BAZ1A: variants seen among roughly 807,000 people sequenced by gnomAD.
BAZ1A encodes the protein bromodomain adjacent to zinc finger domain protein 1A.
Under a neutral mutation model 185.2 loss-of-function variants are expected in BAZ1A, and 50 were observed. The observed-to-expected ratio is 0.27, with a 90% CI of 0.22 to 0.34. The LOEUF (loss-of-function observed/expected upper bound fraction) is 0.34, where lower values mean the gene tolerates loss of function less well. Among genes scored for constraint, BAZ1A ranks in the 10% least tolerant of loss-of-function variants. The probability of loss-of-function intolerance (pLI) is 1.00; values close to 1 mark genes in which losing one functional copy is unlikely to be tolerated. For missense variants in BAZ1A, 1,356 were observed against 1,839.9 expected (o/e 0.74, Z 4.81); for synonymous variants, 571 against 615.6 (o/e 0.93, Z 1.07).
At chr14:34,834,188 G>A (rs923159207) in intron 3 of BAZ1A, among the ~76,000 whole-genome samples, 31 of 152,130 alleles carry the variant, frequency 2.0e-4, no homozygotes, top group Admixed American at 6.5e-5. Flanking sequence ...ATCTATCAGG[G>A]CTCATAATAT....
chr14:34,838,536 T>C lies in BAZ1A; in HGVS notation c.393-12380A>G, dbSNP rs896689132. The stretch of plus-strand genomic sequence containing the variant: ...GGGAAACTATTTTTTTCTTTTTTTT[T>C]TTGGAGACAGAGTCTCCCTCTGTTA... On this transcript the variant is annotated intron_variant, in intron 3 of 26. Coordinates refer to ENST00000360310, the MANE Select transcript of BAZ1A (RefSeq NM_013448.3). Among the ~76,000 whole-genome samples the C allele has an allele frequency of 3.9e-4, 60 of 152,024 alleles. 1 individual carries two copies. The Middle Eastern group carries it at 0.01, about 26-fold the overall frequency.
chr14:34,858,165 G>A (rs2042711163), intron 3 of BAZ1A, among the ~76,000 whole-genome samples: 1 of 152,124 alleles, frequency 6.6e-6, no homozygotes, highest in Non-Finnish European at 1.5e-5. Flanking sequence ...ACAAAGCATG[G>A]AAGAGAAATA....
At chr14:34,783,307 C>A in intron 15 of BAZ1A, 75 bp from the exon 16 acceptor site, 1 of 826,572 alleles carries the variant, frequency 1.2e-6, no homozygotes, top group Middle Eastern at 3.8e-4. Flanking sequence ...TGTCTTTAAT[C>A]AAATCATGGA....
intron 3 of BAZ1A, among the ~76,000 whole-genome samples, chr14:34,851,489 AAT>A: frequency 6.6e-6 from 1 of 152,196 alleles, no homozygotes; most frequent in East Asian, 1.9e-4. Flanking sequence ...ATGACTACAC[AAT>A]GAGTCCAAAA....
At chr14:34,860,257 CA>C (rs147124455) in intron 3 of BAZ1A, among the ~76,000 whole-genome samples, 2,685 of 152,118 alleles carry the variant, frequency 0.018, 37 homozygotes, top group South Asian at 0.038. Flanking sequence ...CCTGTAATCC[CA>C]GCACTTTGGG....
intron 3 of BAZ1A, among the ~76,000 whole-genome samples, chr14:34,833,506 C>T (rs147782109): frequency 2.0e-4 from 30 of 151,960 alleles, no homozygotes; most frequent in Non-Finnish European, 4.0e-4. Context: ...CCAGCTTGTG[C>T]GACAGAGCGA....
intron 3 of BAZ1A, among the ~76,000 whole-genome samples, chr14:34,843,029 AAGTTTAGT>A (rs2042441916): frequency 6.6e-6 from 1 of 152,094 alleles, no homozygotes; most frequent in Non-Finnish European, 1.5e-5. Flanking sequence ...CAGCTCTCAA[AAGTTTAGT>A]AGTCTTGTAT....
At chr14:34,807,592 C>A (rs2041864795) in intron 5 of BAZ1A, 54 bp from the exon 6 acceptor site, 1 of 1,276,746 alleles carries the variant, frequency 7.8e-7, no homozygotes, top group Admixed American at 1.9e-5. Flanking sequence ...AAGAGTTCAA[C>A]CCCAACTCCA....
rs1349936811 is a variant in BAZ1A at position 34,874,628 on chromosome 14, C to G, written c.-24G>C. On this transcript the variant is annotated 5_prime_UTR_variant, in exon 2 of 27. Coordinates refer to ENST00000360310, the MANE Select transcript of BAZ1A (RefSeq NM_013448.3). The surrounding 1 kb of genome is among the most constrained non-coding windows in gnomAD (Gnocchi z 4.7). ...ATCTCCCGTCCGCCCGCGGGCTCGC[C>G]TGGACCCTCGGCCGCCCGCGCCGGC... 3 of 1,581,424 alleles carry G rather than the reference C, an allele frequency of 1.9e-6. No individual in the cohort carries two copies. Among genetic ancestry groups the G allele is most frequent in the Non-Finnish European group, 2.6e-6 (3 of 1,161,158 alleles).
chr14:34,846,573 A>AT (rs1319447875), intron 3 of BAZ1A, among the ~76,000 whole-genome samples: 2 of 152,156 alleles, frequency 1.3e-5, no homozygotes, highest in African/African-American at 4.8e-5. Context: ...TTTGAATTAA[A>AT]TGTTTAGAAA....
intron 3 of BAZ1A, among the ~76,000 whole-genome samples, chr14:34,854,612 A>G (rs999428584): frequency 1.5e-4 from 23 of 152,176 alleles, no homozygotes; most frequent in African/African-American, 5.1e-4. Context: ...CAAAATGTAT[A>G]CAATACACAC....
chr14:34,816,953 A>C (rs1181755747), intron 4 of BAZ1A: 1 of 315,258 alleles, frequency 3.2e-6, no homozygotes, highest in Admixed American at 3.7e-5. Flanking sequence ...TTTTGAGTGA[A>C]AGGAACAATA....
intron 3 of BAZ1A, among the ~76,000 whole-genome samples, chr14:34,858,947 T>C (rs1172955517): frequency 2.0e-5 from 3 of 152,154 alleles, no homozygotes; most frequent in Admixed American, 6.5e-5. Context: ...ATGCCTGGCA[T>C]ATTTGAGAAG....
At chr14:34,809,202 C>T (rs1051183289) in intron 5 of BAZ1A, among the ~76,000 whole-genome samples, 4 of 152,132 alleles carry the variant, frequency 2.6e-5, no homozygotes, top group Non-Finnish European at 5.9e-5. Context: ...CCCTCCCACA[C>T]AGATAACCAA....
At chr14:34,845,873 A>G (rs1238487665) in intron 3 of BAZ1A, among the ~76,000 whole-genome samples, 1 of 151,676 alleles carries the variant, frequency 6.6e-6, no homozygotes, top group African/African-American at 2.4e-5. Flanking sequence ...AAAAAAAAAA[A>G]AAAAAAGAAA....
chr14:34,753,552 C>G lies in BAZ1A; in HGVS notation c.4627G>C (p.Asp1543His), dbSNP rs1886110047. The change falls in exon 27 of 27, where the codon GAC (aspartate) becomes CAC (histidine). Residue 1543 changes from aspartate to histidine, a missense_variant. Coordinates refer to ENST00000360310, the MANE Select transcript of BAZ1A (RefSeq NM_013448.3). Reference sequence around the variant, plus strand: ...GCAGCCGGTGGTGTGCTAACTTGGTCCACATTACTGGGTGTGACGTGGAGT... The same window carrying G: ...GCAGCCGGTGGTGTGCTAACTTGGTGCACATTACTGGGTGTGACGTGGAGT... ...LGLHVTPSNV[D>H]QVSTPPAAKK... 3 of 1,613,876 alleles carry G rather than the reference C, an allele frequency of 1.9e-6. No homozygotes were observed. In the African/African-American group the frequency reaches 4.0e-5, roughly 22 times the overall value.
intron 16 of BAZ1A, among the ~76,000 whole-genome samples, chr14:34,782,845 C>T (rs964523857): frequency 2.0e-5 from 3 of 152,168 alleles, no homozygotes; most frequent in Admixed American, 6.5e-5. Flanking sequence ...CTCCCTATAT[C>T]ATCTACCAAA....
rs1263918824 is a variant in BAZ1A, at chr14:34,872,934, A to AAAC, written c.113+1557_113+1558insGTT. On this transcript the variant is annotated intron_variant, in intron 2 of 26. Transcript: ENST00000360310. ...ATCCTAAAAAAAAAAAAAAAAAAAA[A>AAAC]AAAAAAACTTGTCCAATTACCTAAT... Among the ~76,000 whole-genome samples the AAAC allele has an allele frequency of 1.5e-5, 2 of 129,254 alleles. 1 individual carries two copies. Among genetic ancestry groups the AAAC allele is most frequent in the Non-Finnish European group, 3.5e-5 (2 of 56,772 alleles). 84.8% of individuals were successfully genotyped at this position (129,254 alleles called of 152,430 possible).
intron 21 of BAZ1A, among the ~76,000 whole-genome samples, chr14:34,769,133 G>GAT (rs1879046696): frequency 6.6e-6 from 1 of 151,990 alleles, no homozygotes; most frequent in Non-Finnish European, 1.5e-5. Flanking sequence ...GGAGAATTTC[G>GAT]ATATATATTC....
Sources: allele counts gnomAD v4.1 joint callset (sites outside exome capture counted in the v4.1 genomes callset), GRCh38; gene constraint gnomAD v4.1.1; non-coding constraint Gnocchi (gnomAD v3.1); transcripts MANE v1.5; gene names NCBI Gene and HGNC (gene_info 2026-07-23, HGNC 2026-07-21).